Variants in EYA3 observed in about 807,000 individuals in gnomAD.
The protein encoded by EYA3 is protein phosphatase EYA3.
A neutral mutation model predicts 80.0 loss-of-function variants in EYA3; 39 were observed. That is an observed-to-expected ratio of 0.49 (90% CI 0.38 to 0.64). The LOEUF (loss-of-function observed/expected upper bound fraction) is 0.64, where lower values mean the gene tolerates loss of function less well. EYA3 is among the 30% of genes least tolerant of loss of function. The pLI is 0.00. For synonymous variants in EYA3, 206 were observed against 232.8 expected (o/e 0.88, Z 1.05); for missense variants, 523 against 676.1 (o/e 0.77, Z 2.51).
At chr1:28,004,304 G>C (rs1044788892) in intron 11 of EYA3, 32 bp downstream of exon 11, 2 of 1,464,728 alleles carry the variant, frequency 1.4e-6, no homozygotes, top group Non-Finnish European at 1.9e-6. Context: ...AGTCAGAAGA[G>C]GGACAGTTAC....
chr1:28,002,040 C>G (rs1044710938), intron 11 of EYA3, among the ~76,000 whole-genome samples: 2 of 152,158 alleles, frequency 1.3e-5, no homozygotes, highest in African/African-American at 4.8e-5. Flanking sequence ...CTCATCCTCT[C>G]TAGTAGCTGG....
chr1:28,047,036 ACAG>A lies in EYA3; in HGVS notation c.77+1344_77+1346del, dbSNP rs1165925487. Among the ~76,000 whole-genome samples the A allele has an allele frequency of 2.6e-5, 4 of 151,688 alleles. No homozygotes were observed. The East Asian group carries it at 7.7e-4, about 29-fold the overall frequency. ...AATTGTTTTTGTGTTTTTTATAGAG[ACAG>A]CATCTTGCTATGTCGCCCAGGCTGG... On this transcript the variant is annotated intron_variant, in intron 3 of 17. Transcript: ENST00000373871.
chr1:28,026,354 A>T (rs923650094), intron 7 of EYA3, among the ~76,000 whole-genome samples: 1 of 152,162 alleles, frequency 6.6e-6, no homozygotes, highest in Non-Finnish European at 1.5e-5. Context: ...GGTGGCTCAC[A>T]TCTATAATTT....
At chr1:28,020,642 G>A (rs1317573423) in intron 7 of EYA3, among the ~76,000 whole-genome samples, 1 of 141,212 alleles carries the variant, frequency 7.1e-6, no homozygotes, top group Non-Finnish European at 1.5e-5. Context: ...AAAAAGCCAG[G>A]CACTTTTAAA....
At chr1:28,072,830 A>G (rs1645062028) in intron 1 of EYA3, among the ~76,000 whole-genome samples, 2 of 151,906 alleles carry the variant, frequency 1.3e-5, no homozygotes, top group African/African-American at 4.8e-5. Flanking sequence ...AAACAACTCA[A>G]ATGCCCTTCA....
intron 10 of EYA3, among the ~76,000 whole-genome samples, chr1:28,007,929 G>A (rs1641409807): frequency 6.6e-6 from 1 of 151,950 alleles, no homozygotes; most frequent in African/African-American, 2.4e-5. Flanking sequence ...ACCCCAAATA[G>A]CCAAAACTGT....
In EYA3 at chr1:28,026,336, C is replaced by A. The variant is rs1442873468; in HGVS notation, c.499+1453G>T. 3.9e-5 allele frequency among the ~76,000 whole-genome samples: 6 copies of A among 152,244 alleles called. No homozygotes were observed. The East Asian group carries it at 1.2e-3, about 29-fold the overall frequency. On this transcript the variant is annotated intron_variant, in intron 7 of 17. Coordinates refer to ENST00000373871, the MANE Select transcript of EYA3 (RefSeq NM_001990.4). The stretch of plus-strand genomic sequence containing the variant: ...CCTATCAACATAGAGAAATACTAGG[C>A]CAGGTGTGGTGGCTCACATCTATAA...
chr1:28,028,774 T>TG (rs1390282404), intron 6 of EYA3, among the ~76,000 whole-genome samples: 1 of 151,944 alleles, frequency 6.6e-6, no homozygotes, highest in Non-Finnish European at 1.5e-5. Flanking sequence ...ATTGTGATTT[T>TG]TTGTTGTTGT....
intron 1 of EYA3, among the ~76,000 whole-genome samples, chr1:28,073,125 A>ATATATATATATATATATATATC: frequency 3.1e-5 from 1 of 32,586 alleles, no homozygotes; most frequent in Non-Finnish European, 5.6e-5. Context: ...ATATATATAT[A>ATATATATATATATATATATATC]TATTTTTTTT....
intron 16 of EYA3, among the ~76,000 whole-genome samples, chr1:27,987,421 C>T (rs1213750231): frequency 6.6e-6 from 1 of 152,158 alleles, no homozygotes; most frequent in East Asian, 1.9e-4. Flanking sequence ...CTGCTATAAA[C>T]ATGAGTGTGC....
chr1:28,037,887 GTAAGCACA>G (rs1273361426), intron 5 of EYA3, among the ~76,000 whole-genome samples: 2 of 152,188 alleles, frequency 1.3e-5, no homozygotes, highest in African/African-American at 4.8e-5. Flanking sequence ...TCCAGCAGCT[GTAAGCACA>G]TAAGCACATA....
intron 1 of EYA3, among the ~76,000 whole-genome samples, chr1:28,065,395 C>T (rs1392771347): frequency 6.6e-6 from 1 of 152,080 alleles, no homozygotes. Context: ...GCCTCAGCCT[C>T]CTGAGTAGCT....
At chr1:28,061,662 C>G (rs1644632425) in intron 1 of EYA3, among the ~76,000 whole-genome samples, 1 of 151,542 alleles carries the variant, frequency 6.6e-6, no homozygotes, top group Admixed American at 6.6e-5. Flanking sequence ...TGCAGTGGCG[C>G]GATCTCAGCT....
chr1:28,019,083 T>C (rs1571815815), intron 7 of EYA3, among the ~76,000 whole-genome samples: 1 of 152,158 alleles, frequency 6.6e-6, no homozygotes, highest in South Asian at 2.1e-4. Context: ...GGAGAATCAC[T>C]TAAACTCGGG....
intron 8 of EYA3, among the ~76,000 whole-genome samples, chr1:28,016,514 G>A (rs1201646650): frequency 7.0e-6 from 1 of 142,440 alleles, no homozygotes; most frequent in South Asian, 2.3e-4. Flanking sequence ...GGGCGACAGA[G>A]TGAGTGAGAC....
At chr1:28,010,751 T>A in intron 10 of EYA3, 196 bp downstream of exon 10, 1 of 550,690 alleles carries the variant, frequency 1.8e-6, no homozygotes, top group Non-Finnish European at 3.1e-6. Flanking sequence ...TTGTTTCTGT[T>A]CTCTTCTGGA....
At chr1:28,026,322 A>G (rs967680222) in intron 7 of EYA3, among the ~76,000 whole-genome samples, 2 of 152,224 alleles carry the variant, frequency 1.3e-5, no homozygotes, top group African/African-American at 4.8e-5. Flanking sequence ...CTATCAACAT[A>G]GAGAAATACT....
chr1:28,076,940 C>T (rs1036470019), intron 1 of EYA3, among the ~76,000 whole-genome samples: 3 of 150,046 alleles, frequency 2.0e-5, no homozygotes, highest in African/African-American at 7.3e-5. Context: ...CGGGGTTCTC[C>T]ATGTTGGTCA....
chr1:27,982,854 C>T (rs117842268), intron 16 of EYA3, among the ~76,000 whole-genome samples: 3 of 152,246 alleles, frequency 2.0e-5, no homozygotes, highest in East Asian at 1.9e-4. Flanking sequence ...CGTGAGCCAC[C>T]GCGCTTGGCC....
Sources: gnomAD v4.1 joint callset for allele counts (sites outside exome capture counted in the v4.1 genomes callset) on GRCh38, gnomAD v4.1.1 for gene constraint, MANE v1.5 for transcripts, NCBI Gene and HGNC (gene_info 2026-07-23, HGNC 2026-07-21) for gene names.